Variants in ANTXR2 observed in about 807,000 individuals in gnomAD.
ANTXR2 encodes the protein ANTXR cell adhesion molecule 2, also known as anthrax toxin receptor 2.
Under a neutral mutation model 73.7 loss-of-function variants are expected in ANTXR2, and 44 were observed. The observed-to-expected ratio is 0.60, with a 90% confidence interval of 0.47 to 0.77. ANTXR2 has a LOEUF of 0.77. ANTXR2 is among the 30% of genes least tolerant of loss of function. The pLI is 0.00. For missense variants in ANTXR2, 604 were observed against 592.5 expected, an observed-to-expected ratio of 1.02 and a Z score of -0.20; for synonymous variants, 217 against 205.9, an observed-to-expected ratio of 1.05 and a Z score of -0.46.
chr4:79,958,263 C>T (rs914834897), intron 16 of ANTXR2, among the ~76,000 whole-genome samples: 2 of 152,132 alleles, frequency 1.3e-5, no homozygotes, highest in South Asian at 2.1e-4. Context: ...TTCCTAACTG[C>T]CCTACAGTAA....
At chr4:80,051,226 C>A (rs1375797690) in intron 7 of ANTXR2, among the ~76,000 whole-genome samples, 6 of 151,716 alleles carry the variant, frequency 4.0e-5, no homozygotes, top group Non-Finnish European at 1.5e-5. Flanking sequence ...AAGATTATTT[C>A]TTATCCCCTA....
At chr4:80,005,867 T>C (rs1477060650) in intron 12 of ANTXR2, among the ~76,000 whole-genome samples, 2 of 152,160 alleles carry the variant, frequency 1.3e-5, no homozygotes, top group Non-Finnish European at 2.9e-5. Context: ...CAGTGGCTTC[T>C]CGTCATCCCT....
chr4:80,001,879 T>A (rs1241960113), intron 12 of ANTXR2, among the ~76,000 whole-genome samples: 3 of 151,468 alleles, frequency 2.0e-5, no homozygotes, highest in Non-Finnish European at 4.4e-5. Flanking sequence ...AACCCCTGCC[T>A]TTTTTTGTTT....
intron 16 of ANTXR2, among the ~76,000 whole-genome samples, chr4:79,959,107 C>A (rs1729047490): frequency 6.6e-6 from 1 of 152,018 alleles, no homozygotes; most frequent in Non-Finnish European, 1.5e-5. Context: ...TAAAAGCCTT[C>A]ATTTGTTCAA....
chr4:79,991,944 T>C (rs1263700313), intron 12 of ANTXR2, among the ~76,000 whole-genome samples: 1 of 151,788 alleles, frequency 6.6e-6, no homozygotes, highest in Admixed American at 6.6e-5. Context: ...ACAATAGACA[T>C]CAGGGCCTAC....
At chr4:80,068,750 C>G (rs150727065) in intron 3 of ANTXR2, among the ~76,000 whole-genome samples, 20,551 of 151,956 alleles carry the variant, frequency 0.14, 1,477 homozygotes, top group Middle Eastern at 0.18. Flanking sequence ...CCAGCCTGGG[C>G]AACAGAGAGA....
chr4:79,936,800 T>G (rs371200452), intron 16 of ANTXR2, among the ~76,000 whole-genome samples: 109 of 152,250 alleles, frequency 7.2e-4, no homozygotes, highest in African/African-American at 2.5e-3. Flanking sequence ...TATAATCACC[T>G]TTTTTGTGCT....
chr4:80,057,972 C>T (rs960253180), intron 3 of ANTXR2, among the ~76,000 whole-genome samples: 4 of 151,900 alleles, frequency 2.6e-5, no homozygotes, highest in African/African-American at 7.3e-5. Flanking sequence ...AAAATATTTA[C>T]GTTTGATAGC....
chr4:80,015,565 CA>C (rs1185694374), intron 11 of ANTXR2, among the ~76,000 whole-genome samples: 2 of 151,774 alleles, frequency 1.3e-5, no homozygotes, highest in Admixed American at 6.6e-5. Context: ...CATGTGTGTC[CA>C]AAGCTCTTTA....
At chr4:79,922,118 AC>A (rs1727615249) in intron 16 of ANTXR2, among the ~76,000 whole-genome samples, 1 of 152,042 alleles carries the variant, frequency 6.6e-6, no homozygotes. Context: ...CTAAACTTAT[AC>A]CATGGAGAGC....
chr4:79,995,554 T>G (rs1207868615), intron 12 of ANTXR2, among the ~76,000 whole-genome samples: 8 of 151,954 alleles, frequency 5.3e-5, no homozygotes, highest in Non-Finnish European at 8.8e-5. Context: ...GGATTAACTG[T>G]AGGTCCTTGT....
At chr4:79,983,777 A>C in intron 14 of ANTXR2, 101 bp downstream of exon 14, 1 of 899,558 alleles carries the variant, frequency 1.1e-6, no homozygotes, top group African/African-American at 1.7e-5. Context: ...CAAATGGATG[A>C]TATTATAATA....
intron 7 of ANTXR2, among the ~76,000 whole-genome samples, chr4:80,037,067 GA>G (rs780862907): frequency 2.0e-5 from 3 of 152,196 alleles, no homozygotes; most frequent in Non-Finnish European, 2.9e-5. Flanking sequence ...GGCTACAACT[GA>G]AAAACAATGA....
At chr4:79,936,638 G>A (rs1339009595) in intron 16 of ANTXR2, among the ~76,000 whole-genome samples, 2 of 151,890 alleles carry the variant, frequency 1.3e-5, no homozygotes, top group African/African-American at 2.4e-5. Context: ...GGGAAATAAT[G>A]CAAAAGAAAT....
intron 16 of ANTXR2, among the ~76,000 whole-genome samples, chr4:79,959,676 T>C (rs1273311191): frequency 6.6e-6 from 1 of 152,224 alleles, no homozygotes; most frequent in Non-Finnish European, 1.5e-5. Context: ...TGGTGAGGGA[T>C]AGAGCAAATG....
At chr4:79,915,275 T>A (rs181160978) in intron 16 of ANTXR2, among the ~76,000 whole-genome samples, 1 of 152,238 alleles carries the variant, frequency 6.6e-6, no homozygotes, top group Non-Finnish European at 1.5e-5. Context: ...AGACCCCAAC[T>A]CCACTGCAAT....
In ANTXR2 at chr4:80,072,867, C is replaced by T; in HGVS notation, c.-307G>A. On this transcript the variant is annotated 5_prime_UTR_variant, in exon 1 of 17. It adds an upstream start codon to the 5' untranslated region. Coordinates refer to ENST00000403729, the MANE Select transcript of ANTXR2 (RefSeq NM_058172.6). ...AGTTCCTGCAGACAATGCGGGCCCA[C>T]GGCGACAGCTCGCGAAAGGAGTTCC... is the stretch of plus-strand genomic sequence containing the variant. 1 of 441,200 alleles carries T rather than the reference C, an allele frequency of 2.3e-6. No homozygotes were observed. Among genetic ancestry groups the T allele is most frequent in the Non-Finnish European group, 3.4e-6 (1 of 290,954 alleles). 27.3% of individuals were successfully genotyped at this position (441,200 alleles called of 1,614,324 possible).
chr4:79,936,957 T>G (rs993749086), intron 16 of ANTXR2, among the ~76,000 whole-genome samples: 1 of 152,110 alleles, frequency 6.6e-6, no homozygotes, highest in African/African-American at 2.4e-5. Flanking sequence ...AGGCAGAAAG[T>G]CAGCAAGCAA....
chr4:79,978,737 G>T (rs1429272124), intron 14 of ANTXR2, among the ~76,000 whole-genome samples: 2 of 152,200 alleles, frequency 1.3e-5, no homozygotes, highest in East Asian at 3.8e-4. Flanking sequence ...ACAGGGCAGG[G>T]ATTCGAACAT....
Sources: allele counts gnomAD v4.1 joint callset (sites outside exome capture counted in the v4.1 genomes callset), GRCh38; gene constraint gnomAD v4.1.1; transcripts MANE v1.5; gene names NCBI Gene and HGNC (gene_info 2026-07-23, HGNC 2026-07-21).